Variants in FIRRM observed in about 807,000 individuals in gnomAD.
FIRRM encodes FIGNL1 interacting regulator of recombination and mitosis, also known as FIGNL1-interacting regulator of recombination and mitosis.
the FIRRM span, chr1:169,798,964 TA>T: frequency 8.2e-7 from 1 of 1,218,698 alleles, no homozygotes; most frequent in Non-Finnish European, 1.1e-6. Flanking sequence ...TATTCGTAAG[TA>T]AAATTGTTTT....
chr1:169,824,419 A>C, the FIRRM span, among the ~76,000 whole-genome samples: 1 of 152,078 alleles, frequency 6.6e-6, no homozygotes, highest in Non-Finnish European at 1.5e-5. Context: ...ATATGCTGTT[A>C]TTTTTCCCAT....
chr1:169,788,029 C>T, the FIRRM span, among the ~76,000 whole-genome samples: 1 of 152,186 alleles, frequency 6.6e-6, no homozygotes, highest in East Asian at 1.9e-4. Context: ...CCCCACCATT[C>T]CCCCTATCAT....
chr1:169,805,369 C>T, the FIRRM span, among the ~76,000 whole-genome samples: 6 of 152,354 alleles, frequency 3.9e-5, no homozygotes, highest in East Asian at 1.2e-3. Context: ...CCAGCAGGTT[C>T]ACCCTATCTC....
chr1:169,791,191 A>C, the FIRRM span, among the ~76,000 whole-genome samples: 1 of 152,012 alleles, frequency 6.6e-6, no homozygotes, highest in Non-Finnish European at 1.5e-5. Flanking sequence ...GGCATCAGGG[A>C]CCCCTGTTGC....
At chr1:169,852,480 G>A in the FIRRM span, 1 of 335,466 alleles carries the variant, frequency 3.0e-6, no homozygotes, top group Admixed American at 4.5e-5. Context: ...ATACATTTAT[G>A]AACTTGTTTA....
At chr1:169,806,625 C>G in the FIRRM span, among the ~76,000 whole-genome samples, 3 of 152,262 alleles carry the variant, frequency 2.0e-5, no homozygotes, top group South Asian at 6.2e-4. Flanking sequence ...TTAAGAATAT[C>G]TACTTTATAC....
At chr1:169,820,753 C>G in the FIRRM span, among the ~76,000 whole-genome samples, 1 of 152,150 alleles carries the variant, frequency 6.6e-6, no homozygotes, top group Admixed American at 6.5e-5. Flanking sequence ...CTGCAGTCTG[C>G]TTTTTGGGGC....
At chr1:169,826,040 A>G in the FIRRM span, 47 of 282,002 alleles carry the variant, frequency 1.7e-4, no homozygotes, top group African/African-American at 1.0e-3. Flanking sequence ...ATTAATTCAT[A>G]GTAAATTCAG....
the FIRRM span, among the ~76,000 whole-genome samples, chr1:169,785,082 A>C: frequency 1.3e-5 from 2 of 152,226 alleles, no homozygotes; most frequent in Admixed American, 6.5e-5. Context: ...AAAATGCCCC[A>C]GAGAAATAAA....
At chr1:169,853,079 T>TAA in the FIRRM span, 1 of 1,203,706 alleles carries the variant, frequency 8.3e-7, no homozygotes, top group Non-Finnish European at 1.2e-6. Flanking sequence ...ACAAATTTTG[T>TAA]AAAGTTGAAT....
chr1:169,804,263 T>C, the FIRRM span: 1 of 1,438,240 alleles, frequency 7.0e-7, no homozygotes, highest in South Asian at 1.7e-5. Context: ...AACTTTCTGC[T>C]TAGTATATGG....
chr1:169,823,471 A>G, the FIRRM span: 2 of 1,589,528 alleles, frequency 1.3e-6, no homozygotes, highest in Non-Finnish European at 8.6e-7. Context: ...TCAGATACAC[A>G]GGTAAGAAGA....
the FIRRM span, chr1:169,793,604 T>C: frequency 4.5e-5 from 72 of 1,614,086 alleles, no homozygotes; most frequent in Non-Finnish European, 5.7e-5. Flanking sequence ...TGACAGCTCT[T>C]TTGAGGAATC....
the FIRRM span, among the ~76,000 whole-genome samples, chr1:169,831,835 C>T: frequency 6.6e-6 from 1 of 152,150 alleles, no homozygotes; most frequent in South Asian, 2.1e-4. Context: ...TAGTTCACTA[C>T]AGCCTCAAAC....
the FIRRM span, among the ~76,000 whole-genome samples, chr1:169,811,937 A>G: frequency 1.3e-5 from 2 of 151,904 alleles, no homozygotes; most frequent in Non-Finnish European, 2.9e-5. Flanking sequence ...GATAGAAACA[A>G]AGAAAGAAAG....
the FIRRM span, chr1:169,849,873 TCC>T: frequency 2.0e-6 from 1 of 488,364 alleles, no homozygotes; most frequent in Non-Finnish European, 3.7e-6. Context: ...GACACAGTCT[TCC>T]AGCAGATAGT....
chr1:169,788,008 T>C, the FIRRM span, among the ~76,000 whole-genome samples: 1 of 152,246 alleles, frequency 6.6e-6, no homozygotes, highest in African/African-American at 2.4e-5. Flanking sequence ...AAACAGATTT[T>C]GTTTGACTTA....
At chr1:169,844,291 G>GC in the FIRRM span, among the ~76,000 whole-genome samples, 1 of 152,240 alleles carries the variant, frequency 6.6e-6, no homozygotes. Context: ...TGGTGCCTCA[G>GC]CTGTGCCTTT....
chr1:169,789,620 T>C, the FIRRM span, among the ~76,000 whole-genome samples: 1 of 152,190 alleles, frequency 6.6e-6, no homozygotes, highest in Non-Finnish European at 1.5e-5. Flanking sequence ...CTCTTCTTCA[T>C]CCTAAATAAT....
Sources: gnomAD v4.1 joint callset for allele counts (sites outside exome capture counted in the v4.1 genomes callset) on GRCh38, gnomAD v4.1.1 for gene constraint, MANE v1.5 for transcripts, NCBI Gene and HGNC (gene_info 2026-07-23, HGNC 2026-07-21) for gene names.